LEO1: variants seen among roughly 807,000 people sequenced by gnomAD.
LEO1 encodes RNA polymerase-associated protein LEO1.
Under a neutral mutation model 80.4 loss-of-function variants are expected in LEO1, and 34 were observed. That is an observed-to-expected ratio of 0.42 (90% CI 0.32 to 0.56). LEO1 has a LOEUF of 0.56. LEO1 is among the 20% of genes least tolerant of loss of function. The probability of loss-of-function intolerance (pLI) is 0.10; values close to 1 mark genes in which losing one functional copy is unlikely to be tolerated. For synonymous variants in LEO1, 262 were observed against 274.9 expected (o/e 0.95, Z 0.46); for missense variants, 631 against 814.2 (o/e 0.77, Z 2.74).
At chr15:51,968,796 T>G (rs970478609) in intron 1 of LEO1, among the ~76,000 whole-genome samples, 1 of 151,014 alleles carries the variant, frequency 6.6e-6, no homozygotes. Context: ...GCCACTGCAC[T>G]CCAGCCTGGG....
chr15:51,948,893 G>C (rs970519321), intron 10 of LEO1, among the ~76,000 whole-genome samples: 21 of 152,344 alleles, frequency 1.4e-4, no homozygotes, highest in African/African-American at 4.1e-4. Flanking sequence ...AGTCACGGCT[G>C]GGACAGATGT....
intron 8 of LEO1, 88 bp downstream of exon 8, chr15:51,953,041 A>G: frequency 9.5e-7 from 1 of 1,055,868 alleles, no homozygotes; most frequent in Non-Finnish European, 1.4e-6. Context: ...CCGTGGGGTT[A>G]CATCAATCAG....
In LEO1 at chr15:51,959,162, C is replaced by T. The variant is rs187792859; in HGVS notation, c.1161-336G>A. Reference sequence around the variant, plus strand: ...GGATTACAGGAATGCGCCACCATGCCTGGCTAATTTTGTATTTTTAGTAGA... The same window carrying T: ...GGATTACAGGAATGCGCCACCATGCTTGGCTAATTTTGTATTTTTAGTAGA... On this transcript the variant is annotated intron_variant, in intron 5 of 11. Coordinates refer to ENST00000299601, the MANE Select transcript of LEO1 (RefSeq NM_138792.4). Among the ~76,000 whole-genome samples, 411 of 152,202 alleles carry T rather than the reference C, an allele frequency of 2.7e-3. 3 individuals are homozygous for T. The highest frequency in any genetic ancestry group is 9.4e-3 in the African/African-American group (392 of 41,532).
At chr15:51,958,046 A>T (rs944722180) in intron 6 of LEO1, among the ~76,000 whole-genome samples, 1 of 152,090 alleles carries the variant, frequency 6.6e-6, no homozygotes, top group African/African-American at 2.4e-5. Flanking sequence ...AATACCCACT[A>T]GAAAATAAGA....
intron 3 of LEO1, among the ~76,000 whole-genome samples, chr15:51,961,569 T>G (rs944058584): frequency 3.3e-5 from 5 of 151,888 alleles, no homozygotes; most frequent in Non-Finnish European, 5.9e-5. Context: ...ATGTTTTGTA[T>G]TTTTAGTACA....
intron 11 of LEO1, among the ~76,000 whole-genome samples, chr15:51,940,852 CT>C (rs2056845541): frequency 6.6e-6 from 1 of 151,822 alleles, no homozygotes; most frequent in African/African-American, 2.4e-5. Context: ...AATCCTAGCA[CT>C]TTGGGAGGCT....
chr15:51,956,020 A>G (rs754270224), intron 6 of LEO1, among the ~76,000 whole-genome samples: 1 of 152,314 alleles, frequency 6.6e-6, no homozygotes, highest in South Asian at 2.1e-4. Flanking sequence ...AGTTCATTAT[A>G]TTGTTTTTAA....
chr15:51,940,303 G>A (rs978538296), intron 11 of LEO1, among the ~76,000 whole-genome samples: 4 of 141,318 alleles, frequency 2.8e-5, no homozygotes, highest in African/African-American at 8.0e-5. Flanking sequence ...GCTCACGCCT[G>A]TAATCCCAGC....
chr15:51,960,600 G>C, intron 4 of LEO1, 39 bp downstream of exon 4: 1 of 1,122,380 alleles, frequency 8.9e-7, no homozygotes, highest in Non-Finnish European at 1.4e-6. Flanking sequence ...GAAACTTTAT[G>C]CCTGGCCTTG....
intron 10 of LEO1, among the ~76,000 whole-genome samples, chr15:51,948,953 G>T (rs1369342973): frequency 6.6e-6 from 1 of 152,202 alleles, no homozygotes; most frequent in Non-Finnish European, 1.5e-5. Context: ...TAGCAACTAC[G>T]TGCCTTTGGG....
At chr15:51,945,657 T>C (rs945999250) in intron 11 of LEO1, among the ~76,000 whole-genome samples, 1 of 152,256 alleles carries the variant, frequency 6.6e-6, no homozygotes, top group Admixed American at 6.5e-5. Context: ...TTACTTTATA[T>C]AGTATTTCAC....
chr15:51,960,100 C>G, intron 4 of LEO1, 56 bp from the exon 5 acceptor site: 1 of 1,370,970 alleles, frequency 7.3e-7, no homozygotes. Flanking sequence ...TGGCTTCCTT[C>G]AACCTCCACA....
Position 51,969,629 on chromosome 15 carries a change from G to C in LEO1, c.58+2059C>G, listed in dbSNP as rs368443647. ...GGCCGAGGCAGGTGGATCACCTGAG[G>C]TCAGGAGTTTGGAACCAGCCTGGCC... On this transcript the variant is annotated intron_variant, in intron 1 of 11. Transcript: ENST00000299601. Among the ~76,000 whole-genome samples the C allele has an allele frequency of 1.4e-4, 21 of 152,100 alleles. No individual in the cohort carries two copies. The East Asian group carries it at 1.9e-3, about 14-fold the overall frequency.
Position 51,945,262 on chromosome 15 carries a change from C to CAAAAAAAAAAAAAAAAAAAAAAAAAA in LEO1, c.1896+2029_1896+2030insTTTTTTTTTTTTTTTTTTTTTTTTTT, listed in dbSNP as rs71130110. Reference sequence around the variant, plus strand: ...TGAAACCCCATCTCTACAAAAAATACAAAAAAAAAAAAAAAAAGCCTTACA... The same window carrying CAAAAAAAAAAAAAAAAAAAAAAAAAA: ...TGAAACCCCATCTCTACAAAAAATACAAAAAAAAAAAAAAAAAAAAAAAAAAAAAAAAAAAAAAAAAAAGCCTTACA... On this transcript the variant is annotated intron_variant, in intron 11 of 11. Transcript: ENST00000299601. Among the ~76,000 whole-genome samples, 5 of 80,364 alleles carry CAAAAAAAAAAAAAAAAAAAAAAAAAA rather than the reference C, an allele frequency of 6.2e-5. 1 individual carries two copies. The highest frequency in any genetic ancestry group is 1.5e-4 in the African/African-American group (3 of 20,628). The allele number at this position is 80,364 out of a possible 152,430, so 52.7% of individuals were successfully genotyped here.
chr15:51,956,295 C>T (rs2056988473), intron 6 of LEO1, among the ~76,000 whole-genome samples: 1 of 151,970 alleles, frequency 6.6e-6, no homozygotes, highest in Admixed American at 6.6e-5. Context: ...TGGCATGTGC[C>T]TGTAATTCCA....
chr15:51,965,206 G>A (rs529773162), intron 2 of LEO1, among the ~76,000 whole-genome samples: 2 of 152,302 alleles, frequency 1.3e-5, no homozygotes, highest in African/African-American at 4.8e-5. Context: ...AAACAATTTT[G>A]CAATTCAATT....
chr15:51,969,944 C>G (rs1172774131), intron 1 of LEO1, among the ~76,000 whole-genome samples: 3 of 150,268 alleles, frequency 2.0e-5, no homozygotes, highest in African/African-American at 7.3e-5. Flanking sequence ...AGGATGGCTA[C>G]TTTAGAAACA....
rs1245786782 is a variant in LEO1 at position 51,966,157 on chromosome 15, C to G, written c.406G>C (p.Glu136Gln). ...GSHHSEAEGS[E>Q]KAHSDDEKWG... ...TTTTCATCATCTGAATGTGCTTTTTCAGAACCTTCTGCTTCTGAATGATGG... is the reference window on the plus strand; with the variant it reads ...TTTTCATCATCTGAATGTGCTTTTTGAGAACCTTCTGCTTCTGAATGATGG... The change falls in exon 2 of 12, where the codon GAA becomes CAA. Residue 136 changes from glutamate (E) to glutamine (Q), a missense_variant. Glu to Gln is a conservative substitution (Grantham distance 29). Coordinates refer to ENST00000299601, the MANE Select transcript of LEO1 (RefSeq NM_138792.4). 1 of 1,613,852 alleles carries G rather than the reference C, an allele frequency of 6.2e-7. No homozygotes were observed. Among genetic ancestry groups the G allele is most frequent in the Non-Finnish European group, 8.5e-7 (1 of 1,180,036 alleles).
intron 11 of LEO1, among the ~76,000 whole-genome samples, chr15:51,940,790 A>C (rs2056844593): frequency 6.6e-6 from 1 of 151,980 alleles, no homozygotes; most frequent in South Asian, 2.1e-4. Context: ...GCTACAAAAA[A>C]AAATTTTTAA....
Sources: allele counts gnomAD v4.1 joint callset (sites outside exome capture counted in the v4.1 genomes callset), GRCh38; gene constraint gnomAD v4.1.1; transcripts MANE v1.5; gene names NCBI Gene and HGNC (gene_info 2026-07-23, HGNC 2026-07-21).